The following RAB6A variants were observed in gnomAD, a reference collection of about 807,000 sequenced individuals.
RAB6A encodes RAB6A, member RAS oncogene family.
RAB6A carries 8 observed loss-of-function variants against 32.3 expected under a neutral mutation model. The ratio of observed to expected loss-of-function variants is 0.25; its 90% confidence interval spans 0.15 to 0.45. The LOEUF (loss-of-function observed/expected upper bound fraction) is 0.45. Ranked by LOEUF, RAB6A falls within the 20% of genes least tolerant of loss-of-function variation. The pLI, the probability that RAB6A is intolerant of heterozygous loss-of-function variation, is 1.00. For missense variants in RAB6A, 104 were observed against 249.4 expected, an observed-to-expected ratio of 0.42 and a Z score of 3.93; for synonymous variants, 73 against 82.1, an observed-to-expected ratio of 0.89 and a Z score of 0.60.
chr11:73,700,233 T>G (rs1945719343), intron 6 of RAB6A, among the ~76,000 whole-genome samples: 1 of 152,286 alleles, frequency 6.6e-6, no homozygotes, highest in Non-Finnish European at 1.5e-5. Flanking sequence ...AGTAATCACC[T>G]TATCATTATC....
intron 1 of RAB6A, among the ~76,000 whole-genome samples, chr11:73,733,932 T>C (rs1199087360): frequency 6.6e-6 from 1 of 152,172 alleles, no homozygotes; most frequent in Non-Finnish European, 1.5e-5. Context: ...CTTTACTGGA[T>C]GTTATACTTT....
intron 4 of RAB6A, among the ~76,000 whole-genome samples, chr11:73,716,727 C>T (rs949202242): frequency 3.3e-5 from 5 of 152,100 alleles, no homozygotes; most frequent in African/African-American, 1.2e-4. Context: ...TTACACATAC[C>T]AAACATGACA....
chr11:73,680,790 A>G (rs1161550624), intron 6 of RAB6A, among the ~76,000 whole-genome samples: 3 of 152,168 alleles, frequency 2.0e-5, no homozygotes, highest in Non-Finnish European at 4.4e-5. Flanking sequence ...CTCAAGTCCA[A>G]CACAGCTGGC....
intron 1 of RAB6A, among the ~76,000 whole-genome samples, chr11:73,757,199 A>G (rs991381531): frequency 8.3e-6 from 1 of 120,344 alleles, no homozygotes; most frequent in Non-Finnish European, 1.6e-5. Context: ...GCTGCAGTGC[A>G]ATGGCATGAT....
intron 2 of RAB6A, among the ~76,000 whole-genome samples, chr11:73,728,940 T>C (rs1368634568): frequency 6.6e-6 from 1 of 152,114 alleles, no homozygotes; most frequent in African/African-American, 2.4e-5. Flanking sequence ...GCAGTTTTTT[T>C]TATTACTAAT....
intron 4 of RAB6A, among the ~76,000 whole-genome samples, chr11:73,718,394 A>G (rs961780225): frequency 6.6e-6 from 1 of 152,248 alleles, no homozygotes; most frequent in Admixed American, 6.5e-5. Context: ...AGTTGGACCC[A>G]AAAGAAAATT....
At chr11:73,760,068 C>T (rs1412807591) in intron 1 of RAB6A, 1 of 1,289,694 alleles carries the variant, frequency 7.8e-7, no homozygotes, top group African/African-American at 1.5e-5. Flanking sequence ...ATCAGCACTT[C>T]GCAGGGCCAA....
intron 6 of RAB6A, among the ~76,000 whole-genome samples, chr11:73,682,081 A>G (rs1223810686): frequency 6.6e-6 from 1 of 152,230 alleles, no homozygotes; most frequent in Non-Finnish European, 1.5e-5. Flanking sequence ...TGTATAAATT[A>G]CCATCATGTC....
At chr11:73,759,049 G>A (rs7945891) in intron 1 of RAB6A, among the ~76,000 whole-genome samples, 5,817 of 152,312 alleles carry the variant, frequency 0.038, 153 homozygotes, top group Middle Eastern at 0.071. Context: ...AGGCAATTTT[G>A]CAAGAGTATT....
chr11:73,692,414 A>C (rs1945582230), intron 6 of RAB6A, among the ~76,000 whole-genome samples: 1 of 149,448 alleles, frequency 6.7e-6, no homozygotes, highest in Admixed American at 6.7e-5. Context: ...GAGGCAGGAG[A>C]ATGGCGTGAA....
chr11:73,753,489 A>G (rs1386456301), intron 1 of RAB6A, among the ~76,000 whole-genome samples: 2 of 151,828 alleles, frequency 1.3e-5, no homozygotes, highest in Non-Finnish European at 2.9e-5. Flanking sequence ...AGGCAGGCAG[A>G]TCACGAGGTC....
chr11:73,725,589 G>A (rs1335601194), intron 2 of RAB6A, among the ~76,000 whole-genome samples: 1 of 151,990 alleles, frequency 6.6e-6, no homozygotes, highest in African/African-American at 2.4e-5. Flanking sequence ...AAGCGAAAAG[G>A]GTTTCCCTTT....
In RAB6A at chr11:73,722,307, A is replaced by ATGTGTG. The variant is rs1231102849; in HGVS notation, c.130-1409_130-1408insCACACA. The stretch of plus-strand genomic sequence containing the variant: ...AATTCAAATATATATGTGTGTGTGT[A>ATGTGTG]TATATATATATATATATATATATAT... On this transcript the variant is annotated intron_variant, in intron 2 of 7. Transcript: ENST00000336083. The ATGTGTG allele has an allele frequency of 5.2e-3, 324 of 62,436 alleles. 11 individuals are homozygous for ATGTGTG. In the East Asian group the frequency reaches 0.06, roughly 12 times the overall value. The allele number at this position is 62,436 out of a possible 1,614,324, so 3.9% of individuals were successfully genotyped here.
At chr11:73,685,593 T>TCTTTTTTTTTTTTTTTTTTTTTAA (rs1555054180) in intron 6 of RAB6A, among the ~76,000 whole-genome samples, 4 of 146,966 alleles carry the variant, frequency 2.7e-5, no homozygotes, top group African/African-American at 1.0e-4. Flanking sequence ...GGACTGAAAG[T>TCTTTTTTTTTTTTTTTTTTTTTAA]AGCGACCAGG....
intron 6 of RAB6A, among the ~76,000 whole-genome samples, chr11:73,689,053 T>C (rs1353272936): frequency 6.6e-6 from 1 of 151,966 alleles, no homozygotes; most frequent in Non-Finnish European, 1.5e-5. Context: ...AGCCCAGAAG[T>C]TGAGGCTGTA....
At chr11:73,746,139 G>A (rs1946584899) in intron 1 of RAB6A, among the ~76,000 whole-genome samples, 1 of 151,266 alleles carries the variant, frequency 6.6e-6, no homozygotes. Context: ...AGAGCAGCCT[G>A]GCCAACAGAG....
In RAB6A at chr11:73,760,891, AG is replaced by A. The variant is rs1946835177; in HGVS notation, c.-257del. On this transcript the variant is annotated 5_prime_UTR_variant, in exon 1 of 8. Coordinates refer to ENST00000336083, the MANE Select transcript of RAB6A (RefSeq NM_198896.2). ...AGGGAAGGAGGGCGGTGTCGGCAGG[AG>A]CCAGGGGTGTCCTCTGGCTTCCCAA... The A allele has an allele frequency of 1.3e-5, 6 of 467,488 alleles. No homozygotes were observed. The highest frequency in any genetic ancestry group is 2.4e-5 in the Non-Finnish European group (6 of 255,216). The allele number at this position is 467,488 out of a possible 1,614,324, so 29.0% of individuals were successfully genotyped here. A position where few individuals can be genotyped will look rare whatever the true frequency, so the allele number is the denominator to read the frequency against.
intron 1 of RAB6A, among the ~76,000 whole-genome samples, chr11:73,738,522 T>G (rs1407374850): frequency 6.6e-6 from 1 of 151,738 alleles, no homozygotes; most frequent in African/African-American, 2.4e-5. Context: ...CACAGTGGAG[T>G]AGACCTGTAG....
chr11:73,738,962 T>A (rs1321670977), intron 1 of RAB6A, among the ~76,000 whole-genome samples: 2 of 150,432 alleles, frequency 1.3e-5, no homozygotes, highest in Non-Finnish European at 3.0e-5. Context: ...AAAACTAAAC[T>A]AAACTAAACT....
Sources: gnomAD v4.1 joint callset for allele counts (sites outside exome capture counted in the v4.1 genomes callset) on GRCh38, gnomAD v4.1.1 for gene constraint, MANE v1.5 for transcripts, NCBI Gene and HGNC (gene_info 2026-07-23, HGNC 2026-07-21) for gene names.